Variants in PGM2L1 observed in about 807,000 individuals in gnomAD.
PGM2L1 encodes the protein phosphoglucomutase 2 like 1, also known as glucose 1,6-bisphosphate synthase.
In PGM2L1, 35 loss-of-function variants were observed where a neutral mutation model predicts 73.4. That is an observed-to-expected ratio of 0.48 (90% confidence interval 0.36 to 0.63). PGM2L1 has a LOEUF of 0.63. Among genes scored for constraint, PGM2L1 ranks in the 30% least tolerant of loss-of-function variants. The pLI, the probability that PGM2L1 is intolerant of heterozygous loss-of-function variation, is 0.00. For missense variants in PGM2L1, 570 were observed against 742.0 expected (o/e 0.77, Z 2.69); for synonymous variants, 225 against 253.8 (o/e 0.89, Z 1.08).
chr11:74,371,663 A>G (rs1317999877), intron 3 of PGM2L1, 48 bp downstream of exon 3: 2 of 1,513,424 alleles, frequency 1.3e-6, no homozygotes, highest in East Asian at 4.5e-5. Flanking sequence ...TGTTTTAAAT[A>G]TGTTTTATTC....
rs199643460 is a variant in PGM2L1 at position 74,342,637 on chromosome 11, T to C, written c.1456A>G (p.Ile486Val). 5.6e-5 allele frequency: 88 copies of C among 1,579,408 alleles called. No homozygotes were observed. Among genetic ancestry groups the C allele is most frequent in the Non-Finnish European group, 7.1e-5 (82 of 1,162,306 alleles). Residue 486 changes from isoleucine to valine, a missense_variant, in exon 12 of 14, where the codon ATT (isoleucine) becomes GTT (valine). Physicochemically the swap from Ile to Val is conservative, Grantham distance 29. Transcript: ENST00000298198. ...VKVYEKYGYHISKTSYFLCYE... is the reference protein window; with the variant it reads ...VKVYEKYGYHVSKTSYFLCYE... Reference sequence around the variant, plus strand: ...CACAAGAAATAGGAAGTTTTTGAAATATGATAACCATATCTGTGCAAAGAT... The same window carrying C: ...CACAAGAAATAGGAAGTTTTTGAAACATGATAACCATATCTGTGCAAAGAT...
At chr11:74,354,397 G>A in intron 5 of PGM2L1, 1 of 594,590 alleles carries the variant, frequency 1.7e-6, no homozygotes, top group East Asian at 2.6e-5. Context: ...TCTGCCCGTG[G>A]ATGCTGCTGA....
At chr11:74,379,729 G>C (rs895794120) in intron 1 of PGM2L1, among the ~76,000 whole-genome samples, 1 of 152,022 alleles carries the variant, frequency 6.6e-6, no homozygotes, top group Non-Finnish European at 1.5e-5. Context: ...TTTGAGACCA[G>C]CCTGGACAAC....
chr11:74,340,508 C>T (rs140927374), intron 12 of PGM2L1, among the ~76,000 whole-genome samples: 2 of 152,278 alleles, frequency 1.3e-5, no homozygotes, highest in African/African-American at 4.8e-5. Context: ...CTATTCTACA[C>T]AATAAACTAC....
intron 5 of PGM2L1, among the ~76,000 whole-genome samples, chr11:74,368,039 C>T (rs1862689210): frequency 6.6e-6 from 1 of 152,190 alleles, no homozygotes; most frequent in South Asian, 2.1e-4. Flanking sequence ...ACTTTTCACC[C>T]TTCTCCATTC....
chr11:74,374,265 G>C (rs1483210720), intron 2 of PGM2L1, 150 bp downstream of exon 2: 3 of 537,216 alleles, frequency 5.6e-6, no homozygotes, highest in East Asian at 7.3e-5. Context: ...TGTATTTTTA[G>C]TAGAGACGGG....
rs1221086756 is a variant in PGM2L1 at position 74,332,032 on chromosome 11, T to C, written c.*4620A>G. 6.6e-6 allele frequency: 1 copy of C among 152,200 alleles called. No individual in the cohort carries two copies. The highest frequency in any genetic ancestry group is 1.5e-5 in the Non-Finnish European group (1 of 68,030). The allele number at this position is 152,200 out of a possible 1,614,324, so 9.4% of individuals were successfully genotyped here. A position where few individuals can be genotyped will look rare whatever the true frequency, so the allele number is the denominator to read the frequency against. On this transcript the variant is annotated 3_prime_UTR_variant, in exon 14 of 14. Coordinates refer to ENST00000298198, the MANE Select transcript of PGM2L1 (RefSeq NM_173582.6). ...ATGGTGAATACTTTAAGGTAACCAG[T>C]AGTCAACACTAACTTTGTTTCCAAC...
chr11:74,341,190 G>A (rs1012360564), intron 12 of PGM2L1, among the ~76,000 whole-genome samples: 18 of 152,134 alleles, frequency 1.2e-4, no homozygotes, highest in African/African-American at 4.3e-4. Context: ...ATAAGGATAG[G>A]ATCAAAGTCA....
At chr11:74,371,364 T>G (rs951912906) in intron 3 of PGM2L1, among the ~76,000 whole-genome samples, 4 of 152,174 alleles carry the variant, frequency 2.6e-5, no homozygotes, top group African/African-American at 9.6e-5. Flanking sequence ...TACATGATTA[T>G]CTATTTATAA....
intron 9 of PGM2L1, among the ~76,000 whole-genome samples, chr11:74,344,440 G>T (rs1303774437): frequency 6.6e-6 from 1 of 151,596 alleles, no homozygotes; most frequent in African/African-American, 2.4e-5. Flanking sequence ...TAGATTTGAG[G>T]ACTTTTCATC....
intron 12 of PGM2L1, among the ~76,000 whole-genome samples, chr11:74,341,656 C>T (rs1025016617): frequency 5.0e-5 from 7 of 140,500 alleles, no homozygotes; most frequent in African/African-American, 1.9e-4. Flanking sequence ...CATGCCACTG[C>T]ACTCCAGCCT....
intron 1 of PGM2L1, among the ~76,000 whole-genome samples, chr11:74,390,703 G>A (rs1450608391): frequency 6.6e-6 from 1 of 152,058 alleles, no homozygotes; most frequent in Non-Finnish European, 1.5e-5. Flanking sequence ...CAATTTCCAC[G>A]TACAAAAAGT....
At position 74,336,686 on chromosome 11, in the gene PGM2L1, G is replaced by A; in HGVS notation, c.1835C>T (p.Pro612Leu). 1 of 1,612,504 alleles carries A rather than the reference G, an allele frequency of 6.2e-7. No homozygotes were observed. The highest frequency in any genetic ancestry group is 1.7e-5 in the Admixed American group (1 of 59,900). ...ACGCCAGATCAGTCCATTCTTACTA[G>A]GCTGAAGAAAATTCTCTATCAGAGC... Reference protein sequence around the residue: ...IDALIENFLQPSKNGLIWRSV With the variant: ...IDALIENFLQLSKNGLIWRSV Residue 612 changes from proline (P) to leucine (L), a missense_variant, in exon 14 of 14, where the codon CCT becomes CTT. Transcript: ENST00000298198.
chr11:74,369,354 T>G (rs2134927437), intron 4 of PGM2L1, among the ~76,000 whole-genome samples: 1 of 149,174 alleles, frequency 6.7e-6, no homozygotes, highest in South Asian at 2.1e-4. Flanking sequence ...CAAAAAGGAG[T>G]AATAATAGAG....
intron 5 of PGM2L1, among the ~76,000 whole-genome samples, chr11:74,352,093 T>C (rs1862366892): frequency 6.6e-6 from 1 of 152,106 alleles, no homozygotes; most frequent in South Asian, 2.1e-4. Context: ...ACAGGGACTC[T>C]TCAATCAAAT....
rs1279304878 is a variant in PGM2L1 at position 74,333,912 on chromosome 11, A to G, written c.*2740T>C. 1.1e-4 allele frequency: 16 copies of G among 152,078 alleles called. No individual in the cohort carries two copies. The highest frequency in any genetic ancestry group is 9.8e-4 in the Admixed American group (15 of 15,254). 9.4% of individuals were successfully genotyped at this position (152,078 alleles called of 1,614,324 possible). On this transcript the variant is annotated 3_prime_UTR_variant, in exon 14 of 14. Transcript: ENST00000298198. ...TTCACAATATTGTTCAAAAAGAAAA[A>G]GATAAACATTGTAGTGCCCGAGGCT...
chr11:74,388,259 T>A (rs1364102595), intron 1 of PGM2L1, among the ~76,000 whole-genome samples: 1 of 152,134 alleles, frequency 6.6e-6, no homozygotes. Flanking sequence ...CAGTTAACCA[T>A]ACTATATTGA....
intron 1 of PGM2L1, among the ~76,000 whole-genome samples, chr11:74,381,189 C>T (rs1862937353): frequency 6.6e-6 from 1 of 152,152 alleles, no homozygotes. Flanking sequence ...GTATCCTCAC[C>T]TGTAAAAAAC....
At chr11:74,381,069 T>C (rs1461632422) in intron 1 of PGM2L1, among the ~76,000 whole-genome samples, 1 of 152,206 alleles carries the variant, frequency 6.6e-6, no homozygotes, top group Non-Finnish European at 1.5e-5. Context: ...TTTCAAACTC[T>C]ACAGGTTTTG....
Sources: gnomAD v4.1 joint callset for allele counts (sites outside exome capture counted in the v4.1 genomes callset) on GRCh38, gnomAD v4.1.1 for gene constraint, MANE v1.5 for transcripts, NCBI Gene and HGNC (gene_info 2026-07-23, HGNC 2026-07-21) for gene names.